Variants in PPP1R12A observed in about 807,000 individuals in gnomAD.
PPP1R12A encodes myosin binding subunit.
A neutral mutation model predicts 139.6 loss-of-function variants in PPP1R12A; 19 were observed. That is an observed-to-expected ratio of 0.14 (90% CI 0.09 to 0.20). The LOEUF (loss-of-function observed/expected upper bound fraction) is 0.20. Among genes scored for constraint, PPP1R12A ranks in the 10% least tolerant of loss-of-function variants. The probability of loss-of-function intolerance (pLI) is 1.00; values close to 1 mark genes in which losing one functional copy is unlikely to be tolerated. For synonymous variants in PPP1R12A, 427 were observed against 420.6 expected, an observed-to-expected ratio of 1.02 and a Z score of -0.19; for missense variants, 925 against 1,211.5, an observed-to-expected ratio of 0.76 and a Z score of 3.51.
chr12:79,826,438 A>C (rs1876781947), intron 5 of PPP1R12A, among the ~76,000 whole-genome samples: 1 of 149,004 alleles, frequency 6.7e-6, no homozygotes, highest in Admixed American at 6.9e-5. Flanking sequence ...TCCTGGACTC[A>C]AGCGATCCTT....
chr12:79,840,396 C>T (rs1878569098), intron 3 of PPP1R12A, among the ~76,000 whole-genome samples: 1 of 152,136 alleles, frequency 6.6e-6, no homozygotes, highest in African/African-American at 2.4e-5. Flanking sequence ...CCAGAACTCC[C>T]CCTCCTTATG....
At chr12:79,881,164 C>T (rs1427717165) in intron 1 of PPP1R12A, among the ~76,000 whole-genome samples, 1 of 152,084 alleles carries the variant, frequency 6.6e-6, no homozygotes, top group Admixed American at 6.6e-5. Context: ...CCTACAATCA[C>T]CTCTAAGTAC....
intron 1 of PPP1R12A, among the ~76,000 whole-genome samples, chr12:79,882,726 T>C (rs566570247): frequency 5.9e-5 from 9 of 152,286 alleles, no homozygotes; most frequent in African/African-American, 2.2e-4. Flanking sequence ...CAGAGAAATC[T>C]TTCATGAGAG....
chr12:79,854,718 C>T (rs182966031), intron 2 of PPP1R12A, among the ~76,000 whole-genome samples: 7 of 152,052 alleles, frequency 4.6e-5, no homozygotes, highest in Non-Finnish European at 1.0e-4. Context: ...GTGGCTCAGG[C>T]TGAAGTGAAC....
chr12:79,839,614 G>A (rs531810917), intron 3 of PPP1R12A, among the ~76,000 whole-genome samples: 2 of 152,244 alleles, frequency 1.3e-5, no homozygotes, highest in South Asian at 2.1e-4. Flanking sequence ...GTGATAGTGA[G>A]TGAGTTCCCA....
intron 22 of PPP1R12A, chr12:79,782,425 C>G (rs761218113): frequency 3.6e-6 from 1 of 279,374 alleles, no homozygotes; most frequent in African/African-American, 2.3e-5. Context: ...ATAAGAAATT[C>G]TAGCTGTACA....
intron 1 of PPP1R12A, among the ~76,000 whole-genome samples, chr12:79,886,404 T>C (rs902587750): frequency 1.3e-5 from 2 of 152,176 alleles, no homozygotes; most frequent in African/African-American, 4.8e-5. Flanking sequence ...TTCTCACCTT[T>C]CTACTACCTC....
At chr12:79,874,346 T>C (rs1882894285) in intron 1 of PPP1R12A, among the ~76,000 whole-genome samples, 1 of 152,076 alleles carries the variant, frequency 6.6e-6, no homozygotes, top group African/African-American at 2.4e-5. Context: ...AAAAATGAAT[T>C]AGTTATTTTA....
intron 23 of PPP1R12A, chr12:79,780,011 T>C (rs186665788): frequency 6.6e-6 from 1 of 152,516 alleles, no homozygotes; most frequent in East Asian, 1.9e-4. Context: ...AAGACCAGCC[T>C]TGGCAACAAA....
intron 1 of PPP1R12A, among the ~76,000 whole-genome samples, chr12:79,912,535 T>C (rs1886658786): frequency 6.6e-6 from 1 of 151,520 alleles, no homozygotes; most frequent in Non-Finnish European, 1.5e-5. Context: ...TACAAAAAAA[T>C]AAAAAACAGT....
chr12:79,795,860 TA>T, intron 17 of PPP1R12A, 101 bp from the exon 18 acceptor site: 1 of 1,123,314 alleles, frequency 8.9e-7, no homozygotes, highest in Non-Finnish European at 1.2e-6. Flanking sequence ...GGGGACTATC[TA>T]GGGGGATGGA....
At chr12:79,820,049 CAA>C (rs1300189874) in intron 8 of PPP1R12A, among the ~76,000 whole-genome samples, 2 of 118,102 alleles carry the variant, frequency 1.7e-5, no homozygotes, top group African/African-American at 6.3e-5. Flanking sequence ...AAACACAAAA[CAA>C]TATTATAATT....
chr12:79,788,505 C>T (rs1871389801), intron 21 of PPP1R12A, 143 bp downstream of exon 21: 1 of 731,422 alleles, frequency 1.4e-6, no homozygotes, highest in Non-Finnish European at 2.1e-6. Flanking sequence ...TATTTACATT[C>T]TACTTAACCA....
intron 2 of PPP1R12A, among the ~76,000 whole-genome samples, chr12:79,871,409 T>A (rs558878955): frequency 6.6e-6 from 1 of 152,136 alleles, no homozygotes; most frequent in Non-Finnish European, 1.5e-5. Context: ...AAGAAAGAGG[T>A]TGAGTTTTAA....
chr12:79,846,579 G>A (rs959098164), intron 2 of PPP1R12A, among the ~76,000 whole-genome samples: 12 of 150,276 alleles, frequency 8.0e-5, no homozygotes, highest in Non-Finnish European at 1.3e-4. Context: ...ACAGGCACCC[G>A]CCACTGCGCG....
chr12:79,803,764 GCCACATTT>G (rs1873480411), intron 14 of PPP1R12A, among the ~76,000 whole-genome samples: 1 of 152,170 alleles, frequency 6.6e-6, no homozygotes, highest in East Asian at 1.9e-4. Flanking sequence ...AAAAAATGTT[GCCACATTT>G]TTTTCTTATG....
intron 2 of PPP1R12A, among the ~76,000 whole-genome samples, chr12:79,858,741 G>C (rs1880970567): frequency 6.6e-6 from 1 of 152,138 alleles, no homozygotes; most frequent in African/African-American, 2.4e-5. Context: ...AAGGCCATGA[G>C]GCAAGATGCC....
chr12:79,781,780 G>A, intron 23 of PPP1R12A, 35 bp downstream of exon 23: 3 of 1,333,116 alleles, frequency 2.3e-6, no homozygotes, highest in African/African-American at 1.5e-5. Context: ...AAACAAGAAA[G>A]AAAAAAATAA....
rs138828523 is a variant in PPP1R12A, at chr12:79,838,448, T to C, written c.488-5957A>G. ...GCATAAGTAACGAGTAACCAAATGT[T>C]AATTGCCAAGACAAAGGGGAAAAGG... On this transcript the variant is annotated intron_variant, in intron 3 of 24. Transcript: ENST00000450142. 3.5e-4 allele frequency among the ~76,000 whole-genome samples: 53 copies of C among 152,346 alleles called. No homozygotes were observed. In the East Asian group the frequency reaches 9.1e-3, roughly 26 times the overall value.
Sources: allele counts gnomAD v4.1 joint callset (sites outside exome capture counted in the v4.1 genomes callset), GRCh38; gene constraint gnomAD v4.1.1; transcripts MANE v1.5; gene names NCBI Gene and HGNC (gene_info 2026-07-23, HGNC 2026-07-21).